CDC42SE2: variants seen among roughly 807,000 people sequenced by gnomAD.
The protein encoded by CDC42SE2 is CDC42 small effector protein 2.
CDC42SE2 carries 3 observed loss-of-function variants against 11.5 expected under a neutral mutation model. The observed-to-expected ratio is 0.26, with a 90% CI of 0.12 to 0.67. CDC42SE2 has a LOEUF of 0.67. Ranked by LOEUF, CDC42SE2 falls within the 30% of genes least tolerant of loss-of-function variation. The pLI, the probability that CDC42SE2 is intolerant of heterozygous loss-of-function variation, is 0.80. For missense variants in CDC42SE2, 82 were observed against 106.8 expected, an observed-to-expected ratio of 0.77 and a Z score of 1.02; for synonymous variants, 33 against 34.8, an observed-to-expected ratio of 0.95 and a Z score of 0.18.
At chr5:131,329,653 C>T (rs1429666085) in intron 2 of CDC42SE2, among the ~76,000 whole-genome samples, 4 of 151,636 alleles carry the variant, frequency 2.6e-5, no homozygotes, top group South Asian at 2.1e-4. Context: ...CCTAGGTGGG[C>T]GGATCCCCTG....
At chr5:131,304,397 A>G (rs1027253281) in intron 1 of CDC42SE2, among the ~76,000 whole-genome samples, 1 of 152,136 alleles carries the variant, frequency 6.6e-6, no homozygotes, top group Non-Finnish European at 1.5e-5. Flanking sequence ...ATGATACAAA[A>G]AGCACCAAGG....
chr5:131,318,333 A>C (rs1758093914), intron 2 of CDC42SE2, among the ~76,000 whole-genome samples: 1 of 152,168 alleles, frequency 6.6e-6, no homozygotes, highest in South Asian at 2.1e-4. Flanking sequence ...TAATACAGGA[A>C]ATTTAAATCA....
At chr5:131,340,806 T>C (rs1393086483) in intron 2 of CDC42SE2, among the ~76,000 whole-genome samples, 2 of 151,958 alleles carry the variant, frequency 1.3e-5, no homozygotes, top group Admixed American at 1.3e-4. Context: ...GCCTCCCAAA[T>C]AGCTGGAATT....
intron 3 of CDC42SE2, among the ~76,000 whole-genome samples, chr5:131,371,465 G>T (rs533306519): frequency 6.6e-6 from 1 of 152,140 alleles, no homozygotes; most frequent in African/African-American, 2.4e-5. Context: ...ATAGTTTCTT[G>T]AAAAGGTGTT....
intron 2 of CDC42SE2, among the ~76,000 whole-genome samples, chr5:131,325,112 C>T (rs1758268896): frequency 6.6e-6 from 1 of 151,892 alleles, no homozygotes; most frequent in Non-Finnish European, 1.5e-5. Flanking sequence ...TGGAGTTTTC[C>T]CTCTTATAAT....
chr5:131,264,423 T>A (rs1343472213), intron 1 of CDC42SE2, among the ~76,000 whole-genome samples: 1 of 152,088 alleles, frequency 6.6e-6, no homozygotes, highest in East Asian at 1.9e-4. Flanking sequence ...ACACGCTCAG[T>A]TCAGAATTCA....
Position 131,343,962 on chromosome 5 carries a change from A to G in CDC42SE2, c.-285-15247A>G, listed in dbSNP as rs1020768843. On this transcript the variant is annotated intron_variant, in intron 2 of 4. Transcript: ENST00000505065. ...TATAATATTCTCTCTTATGTCCCCT[A>G]CCATAATAATGGATACATTTTTTAT... is the stretch of plus-strand genomic sequence containing the variant. Among the ~76,000 whole-genome samples the G allele has an allele frequency of 1.3e-5, 2 of 152,174 alleles. 1 individual carries two copies. The highest frequency in any genetic ancestry group is 1.3e-4 in the Admixed American group (2 of 15,266).
intron 3 of CDC42SE2, among the ~76,000 whole-genome samples, chr5:131,373,824 A>G (rs1348711339): frequency 6.6e-6 from 1 of 152,222 alleles, no homozygotes; most frequent in Non-Finnish European, 1.5e-5. Flanking sequence ...GAACAAATCG[A>G]TAACAAGAAA....
At chr5:131,387,420 G>C (rs1561438940) in intron 4 of CDC42SE2, among the ~76,000 whole-genome samples, 1 of 152,064 alleles carries the variant, frequency 6.6e-6, no homozygotes, top group Non-Finnish European at 1.5e-5. Flanking sequence ...GTGAAGTAAT[G>C]TGCACCTGTG....
intron 2 of CDC42SE2, among the ~76,000 whole-genome samples, chr5:131,334,979 TG>T (rs1180012814): frequency 6.6e-6 from 1 of 152,240 alleles, no homozygotes; most frequent in East Asian, 1.9e-4. Flanking sequence ...AGTTCTGCTC[TG>T]ATCTTAGTTA....
In CDC42SE2 at chr5:131,393,834, T is replaced by G. The variant is rs570498237; in HGVS notation, c.*2743T>G. 56 of 146,046 alleles carry G rather than the reference T, an allele frequency of 3.8e-4. 2 individuals carry two copies. The highest frequency in any genetic ancestry group is 3.7e-3 in the East Asian group (19 of 5,074). The allele number at this position is 146,046 out of a possible 1,614,324, so 9.0% of individuals were successfully genotyped here. On this transcript the variant is annotated 3_prime_UTR_variant, in exon 5 of 5. Transcript: ENST00000505065. ...AAATCGCTGTTTTTTTTTTTTTTTTTTTTTTTTTTGCTGCTCCAACGACCA... is the reference window on the plus strand; with the variant it reads ...AAATCGCTGTTTTTTTTTTTTTTTTGTTTTTTTTTGCTGCTCCAACGACCA...
chr5:131,356,248 T>G (rs561407992), intron 2 of CDC42SE2, among the ~76,000 whole-genome samples: 1 of 152,312 alleles, frequency 6.6e-6, no homozygotes, highest in African/African-American at 2.4e-5. Context: ...TATCTAAAGA[T>G]TTCAAAAAGT....
At chr5:131,266,904 T>C (rs1360267386) in intron 1 of CDC42SE2, among the ~76,000 whole-genome samples, 1 of 150,686 alleles carries the variant, frequency 6.6e-6, no homozygotes, top group African/African-American at 2.4e-5. Context: ...GTAATAGTGA[T>C]GATAAAGAAC....
chr5:131,296,438 C>CA (rs1757572544), intron 1 of CDC42SE2, among the ~76,000 whole-genome samples: 1 of 152,192 alleles, frequency 6.6e-6, no homozygotes, highest in South Asian at 2.1e-4. Flanking sequence ...AGGGTGTCAA[C>CA]AGCGCTGTGT....
chr5:131,349,010 A>C (rs999141155), intron 2 of CDC42SE2, among the ~76,000 whole-genome samples: 8 of 152,138 alleles, frequency 5.3e-5, no homozygotes, highest in African/African-American at 1.4e-4. Context: ...TAAAGACTTA[A>C]ATGTTAGACC....
At position 131,342,388 on chromosome 5, in the gene CDC42SE2, C is replaced by CTTTTTTTTTTTTTTTTTT. The variant is rs35818778; in HGVS notation, c.-285-16819_-285-16802dup. The stretch of plus-strand genomic sequence containing the variant: ...TCAGAGATTTGCCATTTTTAATAGT[C>CTTTTTTTTTTTTTTTTTT]TTTTTTTTTTTTTTTTTTTAAGATA... On this transcript the variant is annotated intron_variant, in intron 2 of 4. Coordinates refer to ENST00000505065, the MANE Select transcript of CDC42SE2 (RefSeq NM_001375635.1). Among the ~76,000 whole-genome samples the CTTTTTTTTTTTTTTTTTT allele has an allele frequency of 7.0e-4, 78 of 111,302 alleles. 11 individuals carry two copies. The highest frequency in any genetic ancestry group is 3.4e-3 in the African/African-American group (76 of 22,566). The allele number at this position is 111,302 out of a possible 152,430, so 73.0% of individuals were successfully genotyped here. A position where few individuals can be genotyped will look rare whatever the true frequency, so the allele number is the denominator to read the frequency against.
chr5:131,389,998 C>CT (rs1308461215), intron 4 of CDC42SE2, among the ~76,000 whole-genome samples: 1 of 152,112 alleles, frequency 6.6e-6, no homozygotes. Context: ...TTGCAAATGA[C>CT]TTTATGTGCC....
Position 131,385,567 on chromosome 5 carries a change from A to G in CDC42SE2, c.79A>G (p.Ser27Gly). The change falls in exon 4 of 5, where the codon AGT becomes GGT. Residue 27 changes from serine to glycine, a missense_variant. By Grantham distance (56) the Ser-to-Gly change is moderately conservative. Transcript: ENST00000505065. ...QPKRRRRIDR[S>G]MIGEPTNFVH... is the part of the protein sequence containing the mutation. Reference sequence around the variant, plus strand: ...GAAAAGGCGACGGCGGATTGACAGAAGTATGATTGGAGAGCCCACAAACTT... The same window carrying G: ...GAAAAGGCGACGGCGGATTGACAGAGGTATGATTGGAGAGCCCACAAACTT... 6.2e-7 allele frequency: 1 copy of G among 1,613,778 alleles called. No homozygotes were observed.
chr5:131,264,672 C>A (rs1756818821), intron 1 of CDC42SE2, among the ~76,000 whole-genome samples: 1 of 152,210 alleles, frequency 6.6e-6, no homozygotes, highest in Non-Finnish European at 1.5e-5. Flanking sequence ...CCGCGGTTCG[C>A]CCCGGGCCCC....
Sources: gnomAD v4.1 joint callset for allele counts (sites outside exome capture counted in the v4.1 genomes callset) on GRCh38, gnomAD v4.1.1 for gene constraint, MANE v1.5 for transcripts, NCBI Gene and HGNC (gene_info 2026-07-23, HGNC 2026-07-21) for gene names.